EPHA3: variants seen among roughly 807,000 people sequenced by gnomAD.
EPHA3 encodes ephrin type-A receptor 3.
A neutral mutation model predicts 107.1 loss-of-function variants in EPHA3; 42 were observed. The observed-to-expected ratio is 0.39, with a 90% confidence interval of 0.31 to 0.51. The LOEUF (loss-of-function observed/expected upper bound fraction) is 0.51, where lower values mean the gene tolerates loss of function less well. EPHA3 is among the 20% of genes least tolerant of loss of function. The probability of loss-of-function intolerance (pLI) is 0.78; values close to 1 mark genes in which losing one functional copy is unlikely to be tolerated. For synonymous variants in EPHA3, 461 were observed against 424.8 expected, an observed-to-expected ratio of 1.09 and a Z score of -1.05; for missense variants, 1,183 against 1,211.2, an observed-to-expected ratio of 0.98 and a Z score of 0.35.
At chr3:89,273,819 A>G (rs1273696297) in intron 3 of EPHA3, among the ~76,000 whole-genome samples, 1 of 151,944 alleles carries the variant, frequency 6.6e-6, no homozygotes, top group African/African-American at 2.4e-5. Context: ...GCCAGAAAGG[A>G]TATTTTCTAA....
intron 3 of EPHA3, among the ~76,000 whole-genome samples, chr3:89,276,925 A>G (rs1433676125): frequency 6.6e-6 from 1 of 152,138 alleles, no homozygotes; most frequent in Non-Finnish European, 1.5e-5. Context: ...TTATGGATCA[A>G]TTTAACAGTT....
intron 5 of EPHA3, among the ~76,000 whole-genome samples, chr3:89,393,411 C>G (rs1307942952): frequency 2.0e-5 from 3 of 152,162 alleles, no homozygotes; most frequent in Non-Finnish European, 4.4e-5. Context: ...TAATACAATC[C>G]TCATCGCAAT....
intron 5 of EPHA3, among the ~76,000 whole-genome samples, chr3:89,375,913 A>G (rs770386171): frequency 1.3e-5 from 2 of 151,808 alleles, no homozygotes; most frequent in African/African-American, 4.8e-5. Context: ...AAGAAATCCA[A>G]CTCTAGCAAT....
At chr3:89,418,421 C>G (rs1310062249) in intron 10 of EPHA3, among the ~76,000 whole-genome samples, 1 of 151,222 alleles carries the variant, frequency 6.6e-6, no homozygotes, top group Non-Finnish European at 1.5e-5. Context: ...TAGTAAATCT[C>G]TCAGTAAAAA....
chr3:89,412,913 C>T (rs1158286879), intron 9 of EPHA3, among the ~76,000 whole-genome samples: 1 of 151,686 alleles, frequency 6.6e-6, no homozygotes, highest in Non-Finnish European at 1.5e-5. Context: ...GCAAAGAAAG[C>T]TCCTCATTGT....
intron 2 of EPHA3, among the ~76,000 whole-genome samples, chr3:89,170,938 C>T (rs1476349927): frequency 1.4e-5 from 1 of 73,964 alleles, no homozygotes; most frequent in Non-Finnish European, 3.0e-5. Context: ...CTCTTTAAAA[C>T]CATTTTTTTT....
chr3:89,256,196 A>G (rs572434411), intron 3 of EPHA3, among the ~76,000 whole-genome samples: 1 of 152,072 alleles, frequency 6.6e-6, no homozygotes, highest in South Asian at 2.1e-4. Context: ...GGTTGCAGTT[A>G]GCCGAGATTG....
At chr3:89,113,564 A>C (rs1444912564) in intron 1 of EPHA3, among the ~76,000 whole-genome samples, 1 of 150,450 alleles carries the variant, frequency 6.6e-6, no homozygotes, top group African/African-American at 2.4e-5. Flanking sequence ...GGAGAAAAGA[A>C]AATAAAAAAA....
At chr3:89,294,236 G>A (rs528814548) in intron 3 of EPHA3, among the ~76,000 whole-genome samples, 5 of 151,998 alleles carry the variant, frequency 3.3e-5, no homozygotes, top group East Asian at 1.9e-4. Flanking sequence ...TCCAAAGTAC[G>A]AGTCTTAGTT....
rs187508792 is a variant in EPHA3, at chr3:89,443,362, A to G, written c.2347-5863A>G. Among the ~76,000 whole-genome samples the G allele has an allele frequency of 2.6e-5, 4 of 152,330 alleles. No individual in the cohort carries two copies. The East Asian group carries it at 7.7e-4, about 29-fold the overall frequency. On this transcript the variant is annotated intron_variant, in intron 13 of 16. Coordinates refer to ENST00000336596, the MANE Select transcript of EPHA3 (RefSeq NM_005233.6). ...ACTCTAAAAAAGTTGATGCTCAGTGAATCTTATACTAACTATCGTTGTGGA... is the reference window on the plus strand; with the variant it reads ...ACTCTAAAAAAGTTGATGCTCAGTGGATCTTATACTAACTATCGTTGTGGA...
At chr3:89,245,112 A>T (rs1406286917) in intron 3 of EPHA3, among the ~76,000 whole-genome samples, 1 of 152,202 alleles carries the variant, frequency 6.6e-6, no homozygotes, top group Non-Finnish European at 1.5e-5. Flanking sequence ...ATTGTTTCTT[A>T]AAGATAAATA....
intron 3 of EPHA3, among the ~76,000 whole-genome samples, chr3:89,211,581 G>A (rs1228052652): frequency 2.0e-5 from 3 of 151,932 alleles, no homozygotes; most frequent in African/African-American, 4.8e-5. Context: ...CATATAAATT[G>A]TCCTCTTTAA....
At chr3:89,177,170 T>C (rs1050748198) in intron 2 of EPHA3, among the ~76,000 whole-genome samples, 18 of 152,194 alleles carry the variant, frequency 1.2e-4, no homozygotes, top group Admixed American at 1.3e-4. Context: ...GAGTAGTTTT[T>C]CTTCTTATAT....
intron 2 of EPHA3, among the ~76,000 whole-genome samples, chr3:89,186,249 A>G (rs966935864): frequency 2.6e-5 from 4 of 151,990 alleles, no homozygotes; most frequent in African/African-American, 9.7e-5. Flanking sequence ...TTGATACTAT[A>G]TTGTAACTTC....
chr3:89,214,133 A>T (rs970151342), intron 3 of EPHA3, among the ~76,000 whole-genome samples: 1 of 152,002 alleles, frequency 6.6e-6, no homozygotes, highest in Non-Finnish European at 1.5e-5. Flanking sequence ...TTCAAATTAC[A>T]GTTTGCATTT....
intron 2 of EPHA3, among the ~76,000 whole-genome samples, chr3:89,199,489 C>T (rs1705919378): frequency 2.8e-5 from 4 of 143,708 alleles, no homozygotes; most frequent in Admixed American, 2.2e-4. Context: ...TATGTTGTCT[C>T]CCTATGTTAT....
intron 5 of EPHA3, among the ~76,000 whole-genome samples, chr3:89,364,178 C>G (rs1708147151): frequency 6.6e-6 from 1 of 150,840 alleles, no homozygotes; most frequent in South Asian, 2.1e-4. Context: ...GAGAGTCATC[C>G]CTATTTTCAG....
chr3:89,407,728 A>C (rs1444315336), intron 8 of EPHA3, among the ~76,000 whole-genome samples: 2 of 152,124 alleles, frequency 1.3e-5, no homozygotes, highest in African/African-American at 4.8e-5. Context: ...ACTGCACAGC[A>C]CTAATCATTA....
chr3:89,418,344 G>A (rs1030869714), intron 10 of EPHA3, among the ~76,000 whole-genome samples: 5 of 151,366 alleles, frequency 3.3e-5, no homozygotes, highest in Admixed American at 6.6e-5. Flanking sequence ...ATGGCAGCAT[G>A]GGTACAGATA....
Sources: gnomAD v4.1 joint callset for allele counts (sites outside exome capture counted in the v4.1 genomes callset) on GRCh38, gnomAD v4.1.1 for gene constraint, MANE v1.5 for transcripts, NCBI Gene and HGNC (gene_info 2026-07-23, HGNC 2026-07-21) for gene names.